Variants in MEI4 observed in about 807,000 individuals in gnomAD.
MEI4 encodes meiotic double-stranded break formation protein 4, also known as meiosis-specific protein MEI4.
In MEI4, 27 loss-of-function variants were observed where a neutral mutation model predicts 31.4. The ratio of observed to expected loss-of-function variants is 0.86; its 90% confidence interval spans 0.63 to 1.19. The LOEUF (loss-of-function observed/expected upper bound fraction) is 1.19. MEI4 is among the 50% of genes most tolerant of loss of function. The pLI is 0.00. For missense variants in MEI4, 329 were observed against 398.9 expected (o/e 0.82, Z 1.49); for synonymous variants, 122 against 145.4 (o/e 0.84, Z 1.16).
chr6:77,750,808 C>G (rs920472052), intron 2 of MEI4, among the ~76,000 whole-genome samples: 1 of 152,162 alleles, frequency 6.6e-6, no homozygotes, highest in African/African-American at 2.4e-5. Context: ...CCCAAATCAA[C>G]AGAATATATA....
Position 77,804,330 on chromosome 6 carries a change from C to T in MEI4, c.769-24601C>T, listed in dbSNP as rs146398899. On this transcript the variant is annotated intron_variant, in intron 3 of 4. Coordinates refer to ENST00000684080, the MANE Select transcript of MEI4 (RefSeq NM_001322247.2). ...GCGCAGTATTAGGGTGGGAGTGACC[C>T]GATTTTCCAGGTGCCATCTGTCACC... Among the ~76,000 whole-genome samples, 1,292 of 152,200 alleles carry T rather than the reference C, an allele frequency of 8.5e-3. 16 individuals carry two copies. The highest frequency in any genetic ancestry group is 0.028 in the African/African-American group (1,177 of 41,540).
intron 3 of MEI4, among the ~76,000 whole-genome samples, chr6:77,827,108 C>A (rs1220803986): frequency 6.6e-6 from 1 of 152,042 alleles, no homozygotes; most frequent in Non-Finnish European, 1.5e-5. Context: ...CACCTGTAAT[C>A]CCAGCACTTT....
intron 3 of MEI4, among the ~76,000 whole-genome samples, chr6:77,789,868 C>A (rs903709509): frequency 1.3e-5 from 2 of 152,082 alleles, no homozygotes; most frequent in African/African-American, 2.4e-5. Flanking sequence ...GGATCTAGAA[C>A]TAGAAATACC....
intron 4 of MEI4, among the ~76,000 whole-genome samples, chr6:77,833,214 G>A (rs1770127066): frequency 6.6e-6 from 1 of 151,350 alleles, no homozygotes; most frequent in South Asian, 2.1e-4. Flanking sequence ...AATCACCGTG[G>A]TTTTCTATTT....
chr6:77,730,945 A>G (rs1021493859), intron 2 of MEI4, among the ~76,000 whole-genome samples: 18 of 151,860 alleles, frequency 1.2e-4, no homozygotes, highest in African/African-American at 4.1e-4. Context: ...TGTCCCTACA[A>G]AGGACATGAA....
chr6:77,765,368 A>G (rs1417726015), intron 3 of MEI4, among the ~76,000 whole-genome samples: 2 of 151,828 alleles, frequency 1.3e-5, no homozygotes, highest in Non-Finnish European at 2.9e-5. Flanking sequence ...CTTATATTTC[A>G]TATACCCTCA....
intron 2 of MEI4, chr6:77,716,749 A>G (rs774541884): frequency 6.6e-5 from 21 of 315,814 alleles, no homozygotes; most frequent in Non-Finnish European, 9.2e-5. Context: ...TATATTTTTA[A>G]AATTTTATTT....
intron 3 of MEI4, among the ~76,000 whole-genome samples, chr6:77,821,776 A>G (rs1370918283): frequency 6.9e-6 from 1 of 144,710 alleles, no homozygotes; most frequent in Non-Finnish European, 1.5e-5. Flanking sequence ...AGCCTGGGCA[A>G]CAAGAGTGAA....
At chr6:77,806,274 A>T (rs1186272908) in intron 3 of MEI4, among the ~76,000 whole-genome samples, 1 of 152,116 alleles carries the variant, frequency 6.6e-6, no homozygotes, top group Non-Finnish European at 1.5e-5. Flanking sequence ...TTTTCTTAGA[A>T]ACAATATAAT....
rs190605716 is a variant in MEI4 at position 77,881,312 on chromosome 6, C to T, written c.901-41777C>T. On this transcript the variant is annotated intron_variant, in intron 4 of 4. Coordinates refer to ENST00000684080, the MANE Select transcript of MEI4 (RefSeq NM_001322247.2). ...CCATCACTTTAATCTTCTTCAACTA[C>T]AGAACCCTTTTTTCAGGAAGAGCCT... Among the ~76,000 whole-genome samples, 85 of 152,266 alleles carry T rather than the reference C, an allele frequency of 5.6e-4. 1 individual carries two copies. The highest frequency in any genetic ancestry group is 3.4e-3 in the Middle Eastern group (1 of 294).
chr6:77,863,525 T>C (rs1267363150), intron 4 of MEI4, among the ~76,000 whole-genome samples: 2 of 151,536 alleles, frequency 1.3e-5, no homozygotes, highest in African/African-American at 4.9e-5. Context: ...AGAAGAAAAG[T>C]TTAGAGAAAA....
intron 3 of MEI4, among the ~76,000 whole-genome samples, chr6:77,807,021 T>C (rs1051100510): frequency 5.3e-5 from 8 of 152,120 alleles, no homozygotes; most frequent in Non-Finnish European, 8.8e-5. Flanking sequence ...CTATTTTGCT[T>C]TGTTTTGTTT....
rs1192378061 is a variant in MEI4 at position 77,874,306 on chromosome 6, G to A, written c.900+45244G>A. On this transcript the variant is annotated intron_variant, in intron 4 of 4. Transcript: ENST00000684080. Reference sequence around the variant, plus strand: ...TGAGCAGTGGTTTGTAGTTCTCCTTGAAGAGTTCCTTCACATCCCTTGTAA... The same window carrying A: ...TGAGCAGTGGTTTGTAGTTCTCCTTAAAGAGTTCCTTCACATCCCTTGTAA... 3.3e-5 allele frequency among the ~76,000 whole-genome samples: 5 copies of A among 152,202 alleles called. No individual in the cohort carries two copies. The East Asian group carries it at 9.7e-4, about 29-fold the overall frequency.
At chr6:77,707,824 G>A (rs559809659) in intron 2 of MEI4, among the ~76,000 whole-genome samples, 112 of 152,362 alleles carry the variant, frequency 7.4e-4, no homozygotes, top group Non-Finnish European at 1.4e-3. Flanking sequence ...CTGCTCTAGA[G>A]GGCGCAAGCC....
chr6:77,738,980 G>C (rs1356600295), intron 2 of MEI4, among the ~76,000 whole-genome samples: 1 of 152,110 alleles, frequency 6.6e-6, no homozygotes, highest in Non-Finnish European at 1.5e-5. Context: ...ACTCTGGATA[G>C]TAGATCTTTG....
intron 4 of MEI4, among the ~76,000 whole-genome samples, chr6:77,871,627 T>C (rs1024499995): frequency 6.6e-6 from 1 of 152,160 alleles, no homozygotes; most frequent in Admixed American, 6.6e-5. Context: ...GGATCATTTG[T>C]ACTCCAAACC....
At chr6:77,802,033 T>C (rs1001282946) in intron 3 of MEI4, among the ~76,000 whole-genome samples, 9 of 152,188 alleles carry the variant, frequency 5.9e-5, no homozygotes, top group Admixed American at 5.9e-4. Flanking sequence ...CTTGTTAACT[T>C]TCTGTCTCGT....
At chr6:77,803,131 T>C (rs1769317451) in intron 3 of MEI4, among the ~76,000 whole-genome samples, 1 of 152,216 alleles carries the variant, frequency 6.6e-6, no homozygotes, top group Admixed American at 6.5e-5. Context: ...GATTTGGTCT[T>C]TTCACATAGT....
intron 2 of MEI4, among the ~76,000 whole-genome samples, chr6:77,696,167 G>T (rs1766030775): frequency 6.6e-6 from 1 of 152,172 alleles, no homozygotes; most frequent in Non-Finnish European, 1.5e-5. Flanking sequence ...ATTTTGGACT[G>T]AGACAATGGG....
Sources: allele counts gnomAD v4.1 joint callset (sites outside exome capture counted in the v4.1 genomes callset), GRCh38; gene constraint gnomAD v4.1.1; transcripts MANE v1.5; gene names NCBI Gene and HGNC (gene_info 2026-07-23, HGNC 2026-07-21).